The following IL2RA variants were observed in gnomAD, a reference collection of about 807,000 sequenced individuals.
The protein encoded by IL2RA is interleukin-2 receptor subunit alpha.
IL2RA carries 24 observed loss-of-function variants against 37.8 expected under a neutral mutation model. The observed-to-expected ratio is 0.63, with a 90% CI of 0.46 to 0.89. The LOEUF (loss-of-function observed/expected upper bound fraction) is 0.89, where lower values mean the gene tolerates loss of function less well. Ranked by LOEUF, IL2RA falls within the 40% of genes least tolerant of loss-of-function variation. The probability of loss-of-function intolerance (pLI) is 0.00; values close to 1 mark genes in which losing one functional copy is unlikely to be tolerated. For synonymous variants in IL2RA, 125 were observed against 114.6 expected, an observed-to-expected ratio of 1.09 and a Z score of -0.58; for missense variants, 319 against 348.6, an observed-to-expected ratio of 0.92 and a Z score of 0.68.
chr10:6,019,302 A>C, intron 6 of IL2RA, 126 bp downstream of exon 6: 1 of 794,398 alleles, frequency 1.3e-6, no homozygotes, highest in South Asian at 1.3e-5. Flanking sequence ...CAACCTACCT[A>C]TCAACCTACC....
At chr10:6,061,939 G>A in intron 1 of IL2RA, 149 bp downstream of exon 1, 1 of 649,314 alleles carries the variant, frequency 1.5e-6, no homozygotes, top group South Asian at 1.8e-5. Flanking sequence ...ATAAACTGGG[G>A]TCCCCGTGGG....
chr10:6,019,371 C>A (rs559051385), intron 6 of IL2RA, 57 bp downstream of exon 6: 11 of 1,325,736 alleles, frequency 8.3e-6, no homozygotes, highest in Middle Eastern at 1.8e-4. Context: ...AACCAGTCAA[C>A]CTGTCCATAT....
In IL2RA at chr10:6,018,249, T is replaced by C; in HGVS notation, c.728-130A>G. ...CGGAGGCTGCAGCCTCTCTTCCCTG[T>C]CTCAGGAAGTAGGTCCCTCCCCATG... On this transcript the variant is annotated intron_variant, in intron 6 of 7. Coordinates refer to ENST00000379959, the MANE Select transcript of IL2RA (RefSeq NM_000417.3). This position sits in a 1 kb window ranked among gnomAD's most constrained non-coding sequence, Gnocchi z 5.1. 1.4e-6 allele frequency: 1 copy of C among 722,356 alleles called. No individual in the cohort carries two copies. The highest frequency in any genetic ancestry group is 2.5e-6 in the Non-Finnish European group (1 of 396,574). 44.7% of individuals were successfully genotyped at this position (722,356 alleles called of 1,614,324 possible).
rs756459089 is a variant in IL2RA at position 6,019,883 on chromosome 10, G to C, written c.642C>G (p.Leu214=). The C allele has an allele frequency of 6.2e-7, 1 of 1,614,080 alleles. No individual in the cohort carries two copies. The highest frequency in any genetic ancestry group is 8.5e-7 in the Non-Finnish European group (1 of 1,179,944). The stretch of plus-strand genomic sequence containing the variant: ...CTTCTCCCGCACCTGTTGTTGTGAC[G>C]AGGCAGGAAGTCTCACTCTCAGGAC... ...EGRPESETSC[L]VTTTDFQIQT... is the part of the protein sequence containing the mutation. The change falls in exon 5 of 8, where the codon CTC becomes CTG. Residue 214 remains leucine (L), a synonymous_variant. Transcript: ENST00000379959.
chr10:6,021,752 A>C lies in IL2RA; in HGVS notation c.368-59T>G. The C allele has an allele frequency of 7.0e-7, 1 of 1,428,258 alleles. No homozygotes were observed. Among genetic ancestry groups the C allele is most frequent in the Non-Finnish European group, 9.9e-7 (1 of 1,013,486 alleles). The allele number at this position is 1,428,258 out of a possible 1,614,324, so 88.5% of individuals were successfully genotyped here. ...TGGGGACAGCACCGCGAGTGAGTCC[A>C]GGTTGCCTCTTGCTAGGGACTGGAC... is the stretch of plus-strand genomic sequence containing the variant. On this transcript the variant is annotated intron_variant, in intron 3 of 7. Coordinates refer to ENST00000379959, the MANE Select transcript of IL2RA (RefSeq NM_000417.3). The surrounding 1 kb of genome is among the most constrained non-coding windows in gnomAD (Gnocchi z 4.9).
intron 1 of IL2RA, 129 bp from the exon 2 acceptor site, chr10:6,026,154 G>T: frequency 1.0e-6 from 1 of 978,440 alleles, no homozygotes; most frequent in Non-Finnish European, 1.6e-6. Flanking sequence ...TACTTTTTGT[G>T]AGAAAGCAAC....
intron 1 of IL2RA, among the ~76,000 whole-genome samples, chr10:6,041,926 C>G (rs1208907652): frequency 6.6e-6 from 1 of 151,464 alleles, no homozygotes; most frequent in African/African-American, 2.4e-5. Flanking sequence ...ATAAGGTAGC[C>G]AGATATAAGA....
chr10:6,027,032 G>A (rs776619988), intron 1 of IL2RA, among the ~76,000 whole-genome samples: 2 of 152,142 alleles, frequency 1.3e-5, no homozygotes, highest in Non-Finnish European at 2.9e-5. Flanking sequence ...AAGAACTGAA[G>A]GTAGGGAGGC....
At chr10:6,041,261 C>T (rs1839767513) in intron 1 of IL2RA, among the ~76,000 whole-genome samples, 1 of 151,928 alleles carries the variant, frequency 6.6e-6, no homozygotes, top group Non-Finnish European at 1.5e-5. Context: ...ACTGCAGGCG[C>T]CCACGATCAC....
In IL2RA at chr10:6,046,088, C is replaced by T. The variant is rs1417527164; in HGVS notation, c.64+16000G>A. ...GGGGTTCCCAGCAGCCAGGCTCACT[C>T]TGCCCTGCTCCTCACCCATCTCGCA... is the stretch of plus-strand genomic sequence containing the variant. On this transcript the variant is annotated intron_variant, in intron 1 of 7. Transcript: ENST00000379959. The surrounding 1 kb of genome is among the most constrained non-coding windows in gnomAD (Gnocchi z 4.8). Among the ~76,000 whole-genome samples the T allele has an allele frequency of 2.0e-5, 3 of 152,238 alleles. No homozygotes were observed. Among genetic ancestry groups the T allele is most frequent in the Admixed American group, 2.0e-4 (3 of 15,290 alleles).
chr10:6,030,938 T>C (rs1206040772), intron 1 of IL2RA, among the ~76,000 whole-genome samples: 1 of 152,098 alleles, frequency 6.6e-6, no homozygotes, highest in Non-Finnish European at 1.5e-5. Context: ...AAGTTAAGGA[T>C]TCATGCTGAA....
At position 6,031,464 on chromosome 10, in the gene IL2RA, A is replaced by G. The variant is rs1481158429; in HGVS notation, c.65-5439T>C. Among the ~76,000 whole-genome samples, 92 of 25,436 alleles carry G rather than the reference A, an allele frequency of 3.6e-3. 1 individual carries two copies. The highest frequency in any genetic ancestry group is 0.035 in the Admixed American group (73 of 2,108). The allele number at this position is 25,436 out of a possible 152,430, so 16.7% of individuals were successfully genotyped here. A position where few individuals can be genotyped will look rare whatever the true frequency, so the allele number is the denominator to read the frequency against. ...TCAGTATATATATATACATATATAT[A>G]TATATATATATATATATATATATAT... On this transcript the variant is annotated intron_variant, in intron 1 of 7. Transcript: ENST00000379959.
In IL2RA at chr10:6,057,692, G is replaced by T. The variant is rs576138774; in HGVS notation, c.64+4396C>A. Among the ~76,000 whole-genome samples the T allele has an allele frequency of 1.3e-5, 2 of 152,266 alleles. No individual in the cohort carries two copies. The highest frequency in any genetic ancestry group is 3.9e-4 in the East Asian group (2 of 5,186). ...AAGCAACATGCCTCATTTCCTGAGG[G>T]AATTCTCTCTTTTTCTGTAAAGTTT... On this transcript the variant is annotated intron_variant, in intron 1 of 7. Transcript: ENST00000379959. The surrounding 1 kb of genome is among the most constrained non-coding windows in gnomAD (Gnocchi z 4.8).
intron 1 of IL2RA, among the ~76,000 whole-genome samples, chr10:6,031,496 A>ATATATATG (rs1564546002): frequency 6.0e-5 from 4 of 66,600 alleles, no homozygotes; most frequent in African/African-American, 2.2e-4. Context: ...ATATATATGT[A>ATATATATG]TATATATATA....
chr10:6,050,182 G>C (rs1839927877), intron 1 of IL2RA, among the ~76,000 whole-genome samples: 1 of 152,208 alleles, frequency 6.6e-6, no homozygotes, highest in African/African-American at 2.4e-5. Flanking sequence ...GAAAACCAGA[G>C]CTTCAGGGCC....
intron 1 of IL2RA, among the ~76,000 whole-genome samples, chr10:6,049,567 C>T (rs1035170104): frequency 3.7e-4 from 57 of 152,186 alleles, no homozygotes; most frequent in Admixed American, 3.7e-3. Context: ...CTCCTGCTTT[C>T]CCTGGAGGTC....
Position 6,021,764 on chromosome 10 carries a change from G to T in IL2RA, c.368-71C>A. Reference sequence around the variant, plus strand: ...CGCGAGTGAGTCCAGGTTGCCTCTTGCTAGGGACTGGACCTTGGTTCTTAC... The same window carrying T: ...CGCGAGTGAGTCCAGGTTGCCTCTTTCTAGGGACTGGACCTTGGTTCTTAC... On this transcript the variant is annotated intron_variant, in intron 3 of 7. Transcript: ENST00000379959. This position sits in a 1 kb window ranked among gnomAD's most constrained non-coding sequence, Gnocchi z 4.9. The T allele has an allele frequency of 1.7e-6, 2 of 1,197,126 alleles. No homozygotes were observed. Among genetic ancestry groups the T allele is most frequent in the East Asian group, 2.3e-5 (1 of 42,956 alleles). The allele number at this position is 1,197,126 out of a possible 1,614,324, so 74.2% of individuals were successfully genotyped here. A position where few individuals can be genotyped will look rare whatever the true frequency, so the allele number is the denominator to read the frequency against.
chr10:6,017,572 ATTTTTT>A (rs71390109), intron 7 of IL2RA, among the ~76,000 whole-genome samples: 4 of 104,860 alleles, frequency 3.8e-5, no homozygotes, highest in African/African-American at 1.1e-4. Context: ...TGGTCGTTTA[ATTTTTT>A]TTTTTTTTTT....
intron 3 of IL2RA, among the ~76,000 whole-genome samples, chr10:6,023,614 G>T (rs1464330842): frequency 6.6e-6 from 1 of 152,230 alleles, no homozygotes; most frequent in Non-Finnish European, 1.5e-5. Context: ...GGGATTACAG[G>T]CGTGAGCCAC....
Sources: gnomAD v4.1 joint callset for allele counts (sites outside exome capture counted in the v4.1 genomes callset) on GRCh38, gnomAD v4.1.1 for gene constraint, Gnocchi (gnomAD v3.1) non-coding constraint, MANE v1.5 for transcripts, NCBI Gene and HGNC (gene_info 2026-07-23, HGNC 2026-07-21) for gene names.